ITPKC: variants seen among roughly 807,000 people sequenced by gnomAD.
The protein encoded by ITPKC is inositol-trisphosphate 3-kinase C.
ITPKC carries 33 observed loss-of-function variants against 67.1 expected under a neutral mutation model. That is an observed-to-expected ratio of 0.49 (90% CI 0.37 to 0.66). The LOEUF is 0.66. Ranked by LOEUF, ITPKC falls within the 30% of genes least tolerant of loss-of-function variation. ITPKC has a pLI of 0.00. For missense variants in ITPKC, 820 were observed against 892.1 expected, an observed-to-expected ratio of 0.92 and a Z score of 1.03; for synonymous variants, 341 against 359.8, an observed-to-expected ratio of 0.95 and a Z score of 0.59.
intron 1 of ITPKC, among the ~76,000 whole-genome samples, chr19:40,720,247 A>G (rs1489865212): frequency 2.0e-5 from 3 of 151,922 alleles, no homozygotes; most frequent in African/African-American, 4.8e-5. Flanking sequence ...GGCACCTGTA[A>G]TCCCAGCTAC....
chr19:40,738,648 G>T (rs1185705852), intron 6 of ITPKC, among the ~76,000 whole-genome samples: 1 of 152,178 alleles, frequency 6.6e-6, no homozygotes, highest in Non-Finnish European at 1.5e-5. Flanking sequence ...GGAGGTCAAG[G>T]CTGCAGTGCA....
intron 1 of ITPKC, among the ~76,000 whole-genome samples, chr19:40,719,394 T>C (rs1469427): frequency 0.45 from 68,578 of 151,206 alleles, 16,259 homozygotes; most frequent in Admixed American, 0.56. Context: ...ATAATAATAA[T>C]AACAACAACA....
chr19:40,736,829 AT>A (rs33978293), intron 4 of ITPKC, among the ~76,000 whole-genome samples, 156 bp from the exon 5 acceptor site: 1,550 of 147,274 alleles, frequency 0.011, 22 homozygotes, highest in Middle Eastern at 0.017. Flanking sequence ...CCACACCAGA[AT>A]TTTTTTTTTT....
At chr19:40,730,543 C>A (rs1188102452) in intron 3 of ITPKC, among the ~76,000 whole-genome samples, 9 of 152,144 alleles carry the variant, frequency 5.9e-5, no homozygotes. Context: ...GCGGTCCTTT[C>A]ACCTTAGCCT....
At chr19:40,736,964 C>T in intron 4 of ITPKC, 22 bp from the exon 5 acceptor site, 1 of 1,500,450 alleles carries the variant, frequency 6.7e-7, no homozygotes, top group Non-Finnish European at 9.1e-7. Flanking sequence ...ATGACCCTGC[C>T]CCTCCACACC....
chr19:40,722,710 G>C (rs2082227963), intron 1 of ITPKC, among the ~76,000 whole-genome samples: 1 of 152,160 alleles, frequency 6.6e-6, no homozygotes, highest in Non-Finnish European at 1.5e-5. Context: ...GTCTCAAAAA[G>C]CTCATAGTTT....
chr19:40,724,509 G>A (rs771636212), intron 1 of ITPKC, among the ~76,000 whole-genome samples: 2 of 152,084 alleles, frequency 1.3e-5, no homozygotes, highest in Non-Finnish European at 2.9e-5. Flanking sequence ...GGTCTCTGTC[G>A]CTGTCTCTGT....
intron 3 of ITPKC, among the ~76,000 whole-genome samples, chr19:40,730,271 G>A (rs1447473078): frequency 1.3e-5 from 2 of 152,052 alleles, no homozygotes; most frequent in Admixed American, 6.6e-5. Flanking sequence ...TTCTCCAGCT[G>A]GGTTCAGTGG....
At chr19:40,720,882 C>T (rs1461150205) in intron 1 of ITPKC, among the ~76,000 whole-genome samples, 1 of 151,906 alleles carries the variant, frequency 6.6e-6, no homozygotes, top group Non-Finnish European at 1.5e-5. Context: ...TTCCTTTCTC[C>T]CTTTCCTCCT....
chr19:40,733,443 CGA>C, intron 4 of ITPKC, 79 bp downstream of exon 4: 3 of 1,361,262 alleles, frequency 2.2e-6, no homozygotes, highest in Non-Finnish European at 3.0e-6. Context: ...GGGAAAGCCA[CGA>C]GAGAGTGCAG....
At chr19:40,732,835 T>G (rs2082278012) in intron 3 of ITPKC, among the ~76,000 whole-genome samples, 1 of 152,244 alleles carries the variant, frequency 6.6e-6, no homozygotes, top group South Asian at 2.1e-4. Flanking sequence ...ACAAGCTTTA[T>G]TGTTTTAGCT....
At position 40,736,149 on chromosome 19, in the gene ITPKC, G is replaced by A. The variant is rs529280860; in HGVS notation, c.1675-837G>A. Among the ~76,000 whole-genome samples, 4 of 152,214 alleles carry A rather than the reference G, an allele frequency of 2.6e-5. No homozygotes were observed. The South Asian group carries it at 8.3e-4, about 32-fold the overall frequency. On this transcript the variant is annotated intron_variant, in intron 4 of 6. Coordinates refer to ENST00000263370, the MANE Select transcript of ITPKC (RefSeq NM_025194.3). ...TACTAAAAATACAAAAAATTAGCCA[G>A]GCGTGGTGGCGGGAGCCTGTAGTCC...
chr19:40,733,222 A>G lies in ITPKC; in HGVS notation c.1532A>G (p.Tyr511Cys). 6.2e-7 allele frequency: 1 copy of G among 1,614,230 alleles called. No homozygotes were observed. Among genetic ancestry groups the G allele is most frequent in the Non-Finnish European group, 8.5e-7 (1 of 1,180,034 alleles). The change falls in exon 4 of 7, where the codon TAT (tyrosine) becomes TGT (cysteine). Residue 511 changes from tyrosine to cysteine, a missense_variant. Transcript: ENST00000263370. ...RERPRPRKDMYEKMVAVDPGA... is the reference protein window; with the variant it reads ...RERPRPRKDMCEKMVAVDPGA... The stretch of plus-strand genomic sequence containing the variant: ...CGTCCCCGTCCCCGGAAGGACATGT[A>G]TGAGAAGATGGTGGCTGTGGACCCT...
intron 1 of ITPKC, among the ~76,000 whole-genome samples, chr19:40,724,752 C>T (rs1242135230): frequency 3.9e-5 from 6 of 152,064 alleles, no homozygotes; most frequent in Non-Finnish European, 5.9e-5. Flanking sequence ...AGCTCAAGAC[C>T]AGCTTGGGCA....
rs879347180 is a variant in ITPKC at position 40,725,941 on chromosome 19, TA to T, written c.1255+515del. Reference sequence around the variant, plus strand: ...CAATATAGTGAGACCCCGTTTCAATTAAAAAAAAAAAAAGATTGGCTGGGCG... The same window carrying T: ...CAATATAGTGAGACCCCGTTTCAATTAAAAAAAAAAAAGATTGGCTGGGCG... On this transcript the variant is annotated intron_variant, in intron 2 of 6. Coordinates refer to ENST00000263370, the MANE Select transcript of ITPKC (RefSeq NM_025194.3). Among the ~76,000 whole-genome samples the T allele has an allele frequency of 4.1e-3, 576 of 142,106 alleles. 3 individuals carry two copies. The highest frequency in any genetic ancestry group is 5.7e-3 in the Admixed American group (81 of 14,190). The allele number at this position is 142,106 out of a possible 152,430, so 93.2% of individuals were successfully genotyped here. A position where few individuals can be genotyped will look rare whatever the true frequency, so the allele number is the denominator to read the frequency against.
At chr19:40,725,668 C>G (rs187120802) in intron 2 of ITPKC, among the ~76,000 whole-genome samples, 1 of 152,336 alleles carries the variant, frequency 6.6e-6, no homozygotes, top group East Asian at 1.9e-4. Context: ...GACCTGAGCT[C>G]AAACCCTAGT....
chr19:40,733,994 C>G (rs1296615441), intron 4 of ITPKC, among the ~76,000 whole-genome samples: 1 of 152,206 alleles, frequency 6.6e-6, no homozygotes, highest in Non-Finnish European at 1.5e-5. Flanking sequence ...AACTCTGCTG[C>G]TGTCCTTCCC....
In ITPKC at chr19:40,717,396, A is replaced by C; in HGVS notation, c.261A>C (p.Ala87=). The part of the protein sequence containing the change: ...GPAPGTESPQ[A]EFWTDGQTEP... The stretch of plus-strand genomic sequence containing the variant: ...CGCCGGGGACAGAGAGTCCGCAGGC[A>C]GAATTCTGGACAGACGGACAGACTG... The change falls in exon 1 of 7, where the codon GCA becomes GCC. Residue 87 remains alanine, a synonymous_variant. Coordinates refer to ENST00000263370, the MANE Select transcript of ITPKC (RefSeq NM_025194.3). 6.2e-7 allele frequency: 1 copy of C among 1,613,592 alleles called. No homozygotes were observed. Among genetic ancestry groups the C allele is most frequent in the Non-Finnish European group, 8.5e-7 (1 of 1,179,950 alleles).
At chr19:40,727,650 T>G (rs2082252400) in intron 2 of ITPKC, among the ~76,000 whole-genome samples, 1 of 152,192 alleles carries the variant, frequency 6.6e-6, no homozygotes, top group African/African-American at 2.4e-5. Context: ...GGCTTTGCCA[T>G]GTAGCTCCTT....
Sources: gnomAD v4.1 joint callset for allele counts (sites outside exome capture counted in the v4.1 genomes callset) on GRCh38, gnomAD v4.1.1 for gene constraint, MANE v1.5 for transcripts, NCBI Gene and HGNC (gene_info 2026-07-23, HGNC 2026-07-21) for gene names.